The following RUNX1T1 variants were observed in gnomAD, a reference collection of about 807,000 sequenced individuals.
RUNX1T1 encodes protein CBFA2T1.
A neutral mutation model predicts 62.8 loss-of-function variants in RUNX1T1; 4 were observed. That is an observed-to-expected ratio of 0.06 (90% CI 0.03 to 0.15). The LOEUF (loss-of-function observed/expected upper bound fraction) is 0.15, where lower values mean the gene tolerates loss of function less well. Ranked by LOEUF, RUNX1T1 falls within the 10% of genes least tolerant of loss-of-function variation. The pLI, the probability that RUNX1T1 is intolerant of heterozygous loss-of-function variation, is 1.00. For missense variants in RUNX1T1, 508 were observed against 754.3 expected (o/e 0.67, Z 3.82); for synonymous variants, 291 against 286.0 (o/e 1.02, Z -0.18).
chr8:92,080,845 A>G (rs1835137327), intron 1 of RUNX1T1, among the ~76,000 whole-genome samples: 1 of 152,254 alleles, frequency 6.6e-6, no homozygotes, highest in Non-Finnish European at 1.5e-5. Flanking sequence ...TTATTTCAAA[A>G]TCCTACAAAT....
intron 1 of RUNX1T1, among the ~76,000 whole-genome samples, chr8:92,076,607 T>C (rs894977030): frequency 2.0e-5 from 3 of 152,108 alleles, no homozygotes; most frequent in Non-Finnish European, 4.4e-5. Flanking sequence ...GTTTCGCTGT[T>C]CTGAAATTTC....
chr8:92,041,731 T>G (rs972695079), intron 1 of RUNX1T1, among the ~76,000 whole-genome samples: 1 of 151,822 alleles, frequency 6.6e-6, no homozygotes, highest in African/African-American at 2.4e-5. Context: ...GACAGAGCAC[T>G]ACTCTGTCCC....
At chr8:92,098,715 T>C (rs1309773197) in intron 1 of RUNX1T1, among the ~76,000 whole-genome samples, 7 of 152,214 alleles carry the variant, frequency 4.6e-5, no homozygotes, top group Admixed American at 3.9e-4. Flanking sequence ...AAAATCAGTA[T>C]GGATTTCATT....
At chr8:92,084,434 G>A (rs540957861) in intron 1 of RUNX1T1, among the ~76,000 whole-genome samples, 4 of 151,910 alleles carry the variant, frequency 2.6e-5, no homozygotes, top group African/African-American at 7.2e-5. Flanking sequence ...GTGGAAAGAG[G>A]TTGAGAAAAA....
At chr8:91,974,754 C>T (rs1042243149) in intron 9 of RUNX1T1, among the ~76,000 whole-genome samples, 5 of 152,242 alleles carry the variant, frequency 3.3e-5, no homozygotes, top group South Asian at 4.1e-4. Flanking sequence ...ATCTAATTTG[C>T]GTATTGGACG....
chr8:92,083,308 C>A (rs973454875), intron 1 of RUNX1T1, among the ~76,000 whole-genome samples: 3 of 152,204 alleles, frequency 2.0e-5, no homozygotes, highest in South Asian at 2.1e-4. Context: ...TCAGAGTGAA[C>A]AGGCAACCTA....
chr8:91,956,835 A>T (rs1377739035), downstream of RUNX1T1: 4 of 216,240 alleles, frequency 1.8e-5, no homozygotes, highest in Admixed American at 5.8e-5. Flanking sequence ...ACAGTCTCCA[A>T]TTTTTTTTCT....
At chr8:92,029,093 G>A (rs1434059016) in intron 1 of RUNX1T1, among the ~76,000 whole-genome samples, 2 of 152,192 alleles carry the variant, frequency 1.3e-5, no homozygotes, top group Non-Finnish European at 2.9e-5. Flanking sequence ...AGACAATCAG[G>A]AAGGTGCCCA....
intron 1 of RUNX1T1, among the ~76,000 whole-genome samples, chr8:92,038,345 C>G (rs1351872925): frequency 1.3e-5 from 2 of 151,842 alleles, no homozygotes; most frequent in African/African-American, 4.8e-5. Context: ...ATAAAAAATC[C>G]TGAAGGCAGG....
Position 92,012,607 on chromosome 8 carries a change from AT to A in RUNX1T1, c.388-1517del, listed in dbSNP as rs542271848. On this transcript the variant is annotated intron_variant, in intron 3 of 10. Coordinates refer to ENST00000396218, the Ensembl canonical transcript of RUNX1T1. ...AACAAAAAAGACAGTACTTCCTAAC[AT>A]TTTCTTAACTCCACCTAAGCATCAG... 1.2e-4 allele frequency among the ~76,000 whole-genome samples: 19 copies of A among 152,206 alleles called. No homozygotes were observed. In the East Asian group the frequency reaches 3.7e-3, roughly 29 times the overall value.
At position 92,031,259 on chromosome 8, in the gene RUNX1T1, C is replaced by T. The variant is rs115542737; in HGVS notation, c.8-13896G>A. 5.4e-3 allele frequency among the ~76,000 whole-genome samples: 829 copies of T among 152,218 alleles called. 8 individuals are homozygous for T. The highest frequency in any genetic ancestry group is 0.019 in the African/African-American group (794 of 41,524). On this transcript the variant is annotated intron_variant, in intron 1 of 10. Coordinates refer to ENST00000396218, the Ensembl canonical transcript of RUNX1T1. ...CATAGTAGGCCCTTAGTTTTTTGTA[C>T]TAAACCATCTAAAAAAGTTAACATA...
chr8:92,032,736 G>A (rs1003892574), intron 1 of RUNX1T1, among the ~76,000 whole-genome samples: 4 of 151,968 alleles, frequency 2.6e-5, no homozygotes, highest in Admixed American at 6.6e-5. Flanking sequence ...CTATGATCAC[G>A]CCACTGCCTC....
chr8:91,957,045 G>C (rs1175417673), downstream of RUNX1T1: 2 of 216,570 alleles, frequency 9.2e-6, no homozygotes, highest in Non-Finnish European at 1.8e-5. Context: ...GAGAAAAAGA[G>C]AAAGAGAAAA....
exon 10 of RUNX1T1, chr8:91,970,688 T>C (rs759424859): frequency 1.2e-6 from 2 of 1,611,614 alleles, no homozygotes; most frequent in Non-Finnish European, 1.7e-6. Context: ...GATTGATAAC[T>C]GCCAGTGCGT....
intron 9 of RUNX1T1, among the ~76,000 whole-genome samples, chr8:91,973,096 T>A (rs1413444136): frequency 6.6e-6 from 1 of 152,040 alleles, no homozygotes; most frequent in Non-Finnish European, 1.5e-5. Flanking sequence ...GTCTGTAGAT[T>A]AAATAATAGT....
rs568908295 is a variant in RUNX1T1, at chr8:92,011,230, A to C, written c.388-139T>G. Reference sequence around the variant, plus strand: ...TGACAGAAACCAGTATTTTCAATAAAACCTATTGACTTTGTAAAAATGATC... The same window carrying C: ...TGACAGAAACCAGTATTTTCAATAACACCTATTGACTTTGTAAAAATGATC... On this transcript the variant is annotated intron_variant, in intron 3 of 10. Transcript: ENST00000396218. The C allele has an allele frequency of 4.4e-5, 26 of 592,494 alleles. No individual in the cohort carries two copies. The South Asian group carries it at 5.6e-4, about 13-fold the overall frequency. 36.7% of individuals were successfully genotyped at this position (592,494 alleles called of 1,614,324 possible).
intron 1 of RUNX1T1, among the ~76,000 whole-genome samples, chr8:92,030,795 C>A (rs1032497248): frequency 2.0e-5 from 3 of 152,282 alleles, no homozygotes; most frequent in Non-Finnish European, 4.4e-5. Context: ...TTCTCTTGGA[C>A]CCTGGCCCTT....
At chr8:91,976,165 A>G in intron 8 of RUNX1T1, 192 bp from the exon 10 acceptor site, 1 of 538,466 alleles carries the variant, frequency 1.9e-6, no homozygotes, top group South Asian at 2.4e-5. Context: ...AGCCCAAGGA[A>G]AACAGAGGGT....
chr8:92,072,809 G>C (rs1833881502), intron 2 of RUNX1T1, among the ~76,000 whole-genome samples: 1 of 152,138 alleles, frequency 6.6e-6, no homozygotes. Context: ...TCTAAAAGCA[G>C]CAATTTTACT....
Sources: allele counts gnomAD v4.1 joint callset (sites outside exome capture counted in the v4.1 genomes callset), GRCh38; gene constraint gnomAD v4.1.1; transcripts MANE v1.5; gene names NCBI Gene and HGNC (gene_info 2026-07-23, HGNC 2026-07-21).